The following LRBA variants were observed in gnomAD, a reference collection of about 807,000 sequenced individuals.
The protein encoded by LRBA is lipopolysaccharide-responsive and beige-like anchor protein.
In LRBA, 176 loss-of-function variants were observed where a neutral mutation model predicts 330.0. The ratio of observed to expected loss-of-function variants is 0.53; its 90% CI spans 0.47 to 0.60. The LOEUF (loss-of-function observed/expected upper bound fraction) is 0.60, where lower values mean the gene tolerates loss of function less well. LRBA is among the 20% of genes least tolerant of loss of function. The pLI is 0.00. For synonymous variants in LRBA, 1,230 were observed against 1,193.0 expected, an observed-to-expected ratio of 1.03 and a Z score of -0.64; for missense variants, 3,259 against 3,444.8, an observed-to-expected ratio of 0.95 and a Z score of 1.35.
intron 47 of LRBA, among the ~76,000 whole-genome samples, chr4:150,354,780 T>C (rs2151828430): frequency 6.6e-6 from 1 of 152,196 alleles, no homozygotes; most frequent in South Asian, 2.1e-4. Flanking sequence ...TGCTAAAAAG[T>C]ACAGTATACA....
intron 46 of LRBA, among the ~76,000 whole-genome samples, chr4:150,432,699 C>T (rs908978852): frequency 1.3e-5 from 2 of 151,682 alleles, no homozygotes; most frequent in African/African-American, 4.8e-5. Flanking sequence ...CCCGCCTCGG[C>T]TTCTCAAAGT....
At chr4:150,847,927 C>T (rs556353421) in intron 26 of LRBA, among the ~76,000 whole-genome samples, 13 of 152,178 alleles carry the variant, frequency 8.5e-5, no homozygotes, top group Admixed American at 7.2e-4. Context: ...TAGTTTAGAA[C>T]GTTGTTATTC....
intron 31 of LRBA, among the ~76,000 whole-genome samples, chr4:150,809,193 G>C (rs1202430350): frequency 6.6e-6 from 1 of 152,124 alleles, no homozygotes; most frequent in Non-Finnish European, 1.5e-5. Context: ...GTGAATGACA[G>C]TATATATTTT....
intron 48 of LRBA, among the ~76,000 whole-genome samples, chr4:150,345,153 T>A (rs1736116411): frequency 6.6e-6 from 1 of 152,222 alleles, no homozygotes; most frequent in South Asian, 2.1e-4. Flanking sequence ...TACTTACATA[T>A]ATTTATCTCT....
At chr4:150,767,930 G>C (rs1735999458) in intron 34 of LRBA, among the ~76,000 whole-genome samples, 1 of 151,124 alleles carries the variant, frequency 6.6e-6, no homozygotes, top group Admixed American at 6.6e-5. Flanking sequence ...CAGGCGTGGT[G>C]GTGCACGCCT....
chr4:150,940,724 T>C (rs1005792922), intron 2 of LRBA, among the ~76,000 whole-genome samples: 4 of 152,192 alleles, frequency 2.6e-5, no homozygotes, highest in African/African-American at 9.6e-5. Flanking sequence ...TTCTTTCTAA[T>C]CTACTTTTCA....
chr4:150,382,622 C>CAAAAA (rs112630500), intron 47 of LRBA, among the ~76,000 whole-genome samples: 1 of 111,488 alleles, frequency 9.0e-6, no homozygotes, highest in Non-Finnish European at 1.9e-5. Flanking sequence ...GACTCTGTTT[C>CAAAAA]AAAAAAAAAA....
chr4:150,817,111 A>G lies in LRBA; in HGVS notation c.5305+13T>C. On this transcript the variant is annotated intron_variant, in intron 31 of 56. Transcript: ENST00000651943. ...AAAAACATTTTTGTTGAAATCACTG[A>G]TAACTAACTCACCTGGTGATTCTCC... 6.2e-7 allele frequency: 1 copy of G among 1,607,686 alleles called. No homozygotes were observed. The highest frequency in any genetic ancestry group is 8.5e-7 in the Non-Finnish European group (1 of 1,177,048).
intron 2 of LRBA, among the ~76,000 whole-genome samples, chr4:150,954,124 G>A (rs1408603844): frequency 2.0e-5 from 3 of 150,468 alleles, no homozygotes; most frequent in Non-Finnish European, 3.0e-5. Context: ...ATCTCTGCCC[G>A]GCAGCCGCCC....
intron 8 of LRBA, among the ~76,000 whole-genome samples, chr4:150,915,274 T>C (rs541082337): frequency 2.6e-5 from 4 of 152,122 alleles, no homozygotes; most frequent in Admixed American, 1.3e-4. Context: ...GCAAGATTTA[T>C]AAGCATGCAT....
chr4:150,817,426 C>T (rs1048479356), intron 30 of LRBA, among the ~76,000 whole-genome samples, 169 bp from the exon 31 acceptor site: 4 of 151,970 alleles, frequency 2.6e-5, no homozygotes, highest in African/African-American at 4.8e-5. Context: ...ATCTTCAATA[C>T]TGTCCATATT....
chr4:150,933,310 C>G lies in LRBA; in HGVS notation c.217-4245G>C, dbSNP rs1447317659. On this transcript the variant is annotated intron_variant, in intron 2 of 56. Coordinates refer to ENST00000651943, the MANE Select transcript of LRBA (RefSeq NM_001364905.1). ...GGCTGAGGCACAAGAATTGCTTGAT[C>G]CCAGGAAGCGGAGGTTGCAGTGAGT... Among the ~76,000 whole-genome samples the G allele has an allele frequency of 4.0e-5, 6 of 151,596 alleles. No individual in the cohort carries two copies. In the East Asian group the frequency reaches 1.2e-3, roughly 29 times the overall value.
Position 150,498,022 on chromosome 4 carries a change from C to T in LRBA, c.6331-6987G>A, listed in dbSNP as rs1759792224. 2.0e-5 allele frequency among the ~76,000 whole-genome samples: 3 copies of T among 152,146 alleles called. No homozygotes were observed. The South Asian group carries it at 6.2e-4, about 32-fold the overall frequency. On this transcript the variant is annotated intron_variant, in intron 40 of 56. Coordinates refer to ENST00000651943, the MANE Select transcript of LRBA (RefSeq NM_001364905.1). The stretch of plus-strand genomic sequence containing the variant: ...GTAATGCAATTTTTCAGATGTCAAC[C>T]TTTAGCCCAGCTTTAAAAATTAATT...
chr4:150,375,622 ATTT>A (rs5862917), intron 47 of LRBA, among the ~76,000 whole-genome samples: 1 of 143,398 alleles, frequency 7.0e-6, no homozygotes, highest in African/African-American at 2.6e-5. Flanking sequence ...CCACACCTGT[ATTT>A]TTTTTTTTTT....
intron 41 of LRBA, among the ~76,000 whole-genome samples, chr4:150,489,542 T>TATATAAGAATACATAATATATATTAC (rs1758580263): frequency 9.7e-6 from 1 of 103,574 alleles, no homozygotes; most frequent in Non-Finnish European, 1.7e-5. Context: ...ATATATATTA[T>TATATAAGAATACATAATATATATTAC]ATATAAGAAT....
chr4:150,453,131 T>A (rs1464486534), intron 44 of LRBA, among the ~76,000 whole-genome samples: 5 of 152,178 alleles, frequency 3.3e-5, no homozygotes, highest in Admixed American at 3.3e-4. Context: ...CAAAATGATC[T>A]ACAGATTGAA....
rs915432999 is a variant in LRBA at position 150,905,785 on chromosome 4, G to A, written c.1755+53C>T. On this transcript the variant is annotated intron_variant, in intron 13 of 56. Transcript: ENST00000651943. ...TCCTCTTAATTATCACTCTCCTCACGCACAAAAACAGCAAAGATAGTAAAA... is the reference window on the plus strand; with the variant it reads ...TCCTCTTAATTATCACTCTCCTCACACACAAAAACAGCAAAGATAGTAAAA... 3.9e-5 allele frequency: 56 copies of A among 1,438,398 alleles called. 1 individual carries two copies. In the South Asian group the frequency reaches 4.6e-4, roughly 12 times the overall value. The allele number at this position is 1,438,398 out of a possible 1,614,324, so 89.1% of individuals were successfully genotyped here.
chr4:150,946,043 C>T (rs1311242970), intron 2 of LRBA, among the ~76,000 whole-genome samples: 1 of 152,124 alleles, frequency 6.6e-6, no homozygotes, highest in Non-Finnish European at 1.5e-5. Context: ...TGTGATCCAC[C>T]CACCTCAGCC....
Position 150,302,724 on chromosome 4 carries a change from T to C in LRBA, c.7918A>G (p.Ile2640Val), listed in dbSNP as rs1729832911. Reference protein sequence around the residue: ...VTCLARSESYIGGNCYILSGS... With the variant: ...VTCLARSESYVGGNCYILSGS... ...GAGAGAATGTAGCAATTTCCCCCAA[T>C]ATATGACTCAGAACGAGCAAGGCAA... The change falls in exon 53 of 57, where the codon ATT becomes GTT. Residue 2640 changes from isoleucine (I) to valine (V), a missense_variant. By Grantham distance (29) the Ile-to-Val change is conservative. Coordinates refer to ENST00000651943, the MANE Select transcript of LRBA (RefSeq NM_001364905.1). The C allele has an allele frequency of 2.5e-6, 4 of 1,612,066 alleles. No homozygotes were observed. Among genetic ancestry groups the C allele is most frequent in the Admixed American group, 3.3e-5 (2 of 59,850 alleles).
Sources: gnomAD v4.1 joint callset for allele counts (sites outside exome capture counted in the v4.1 genomes callset) on GRCh38, gnomAD v4.1.1 for gene constraint, MANE v1.5 for transcripts, NCBI Gene and HGNC (gene_info 2026-07-23, HGNC 2026-07-21) for gene names.